Variants in DCC observed in about 807,000 individuals in gnomAD.
DCC encodes the protein DCC netrin 1 receptor, also known as netrin receptor DCC.
DCC carries 58 observed loss-of-function variants against 172.5 expected under a neutral mutation model. That is an observed-to-expected ratio of 0.34 (90% confidence interval 0.27 to 0.42). DCC has a LOEUF of 0.42. DCC is among the 10% of genes least tolerant of loss of function. The pLI, the probability that DCC is intolerant of heterozygous loss-of-function variation, is 1.00. For synonymous variants in DCC, 709 were observed against 644.5 expected, an observed-to-expected ratio of 1.10 and a Z score of -1.52; for missense variants, 1,740 against 1,791.0, an observed-to-expected ratio of 0.97 and a Z score of 0.51.
intron 1 of DCC, among the ~76,000 whole-genome samples, chr18:52,545,832 G>A (rs566874165): frequency 2.0e-5 from 3 of 152,206 alleles, no homozygotes; most frequent in African/African-American, 7.2e-5. Flanking sequence ...GGAATAAATA[G>A]TACTAACTGT....
chr18:52,649,591 G>A (rs1037704895), intron 1 of DCC, among the ~76,000 whole-genome samples: 8 of 151,808 alleles, frequency 5.3e-5, no homozygotes, highest in Admixed American at 1.3e-4. Context: ...CTGAGTCTCT[G>A]ATGTCTATTA....
chr18:53,421,957 A>G (rs1910664531), intron 21 of DCC, among the ~76,000 whole-genome samples: 2 of 152,202 alleles, frequency 1.3e-5, no homozygotes, highest in African/African-American at 4.8e-5. Flanking sequence ...GTAGAAAAAG[A>G]GACAGAGAGG....
At chr18:52,561,809 C>G (rs192184016) in intron 1 of DCC, among the ~76,000 whole-genome samples, 1 of 152,268 alleles carries the variant, frequency 6.6e-6, no homozygotes, top group African/African-American at 2.4e-5. Context: ...GCTATACGCC[C>G]ATTAGCTGTT....
chr18:52,959,471 GT>G (rs1244189800), intron 5 of DCC, among the ~76,000 whole-genome samples: 3 of 152,038 alleles, frequency 2.0e-5, no homozygotes, highest in African/African-American at 7.3e-5. Context: ...TTGTATGTTT[GT>G]TACATGGATA....
intron 19 of DCC, among the ~76,000 whole-genome samples, chr18:53,408,441 T>C (rs1248407718): frequency 6.6e-6 from 1 of 152,174 alleles, no homozygotes; most frequent in Non-Finnish European, 1.5e-5. Flanking sequence ...TGCCACAAAG[T>C]ATTCTCCATT....
chr18:53,025,074 A>G (rs567257962), intron 5 of DCC, among the ~76,000 whole-genome samples: 22 of 152,252 alleles, frequency 1.4e-4, no homozygotes, highest in African/African-American at 5.3e-4. Flanking sequence ...AATTTCACAA[A>G]AAGATGAAAA....
chr18:52,588,484 CA>C, intron 1 of DCC, among the ~76,000 whole-genome samples: 1 of 152,112 alleles, frequency 6.6e-6, no homozygotes, highest in Non-Finnish European at 1.5e-5. Context: ...CACTAGAGAA[CA>C]AAAAATCAAA....
chr18:53,002,067 T>A (rs2143846020), intron 5 of DCC, among the ~76,000 whole-genome samples: 1 of 152,264 alleles, frequency 6.6e-6, no homozygotes, highest in Non-Finnish European at 1.5e-5. Flanking sequence ...ACTTAGTGTC[T>A]AGAGTTGGAA....
chr18:53,510,620 G>GTTA (rs756249306), intron 27 of DCC, among the ~76,000 whole-genome samples: 1 of 152,170 alleles, frequency 6.6e-6, no homozygotes, highest in Non-Finnish European at 1.5e-5. Flanking sequence ...TCAAACTAAA[G>GTTA]AAGCTCTAAA....
At chr18:53,207,559 TAGA>T in intron 10 of DCC, 117 bp from the exon 11 acceptor site, 1 of 965,404 alleles carries the variant, frequency 1.0e-6, no homozygotes, top group Non-Finnish European at 1.6e-6. Flanking sequence ...TATAGCTCAT[TAGA>T]AGGCTGGAGT....
chr18:52,426,668 C>T (rs1987438878), intron 1 of DCC, among the ~76,000 whole-genome samples: 1 of 151,790 alleles, frequency 6.6e-6, no homozygotes, highest in African/African-American at 2.4e-5. Flanking sequence ...TCTGTTTGAT[C>T]TGCTTTAGTT....
chr18:53,128,856 CACACACACACACACATATATATATATAT>C (rs1299115795), intron 7 of DCC, among the ~76,000 whole-genome samples: 14 of 74,890 alleles, frequency 1.9e-4, no homozygotes, highest in South Asian at 1.3e-3. Context: ...CACACACACA[CACACACACACACACATATATATATATAT>C]ATATATATAT....
chr18:53,345,920 C>G (rs573259611), intron 15 of DCC, among the ~76,000 whole-genome samples: 5 of 151,870 alleles, frequency 3.3e-5, no homozygotes, highest in Non-Finnish European at 5.9e-5. Flanking sequence ...TGTCAGATTG[C>G]TTTTTTGTGT....
intron 1 of DCC, among the ~76,000 whole-genome samples, chr18:52,470,101 T>A (rs1206627562): frequency 1.3e-5 from 2 of 152,148 alleles, no homozygotes; most frequent in Non-Finnish European, 2.9e-5. Flanking sequence ...AAGAAACAGA[T>A]AAAAAGAATA....
intron 15 of DCC, among the ~76,000 whole-genome samples, chr18:53,349,256 A>G (rs2057760263): frequency 6.6e-6 from 1 of 152,160 alleles, no homozygotes; most frequent in South Asian, 2.1e-4. Context: ...CCAAAATATA[A>G]CAAGAGTCAC....
At chr18:52,384,197 T>A (rs1289114047) in intron 1 of DCC, among the ~76,000 whole-genome samples, 1 of 152,094 alleles carries the variant, frequency 6.6e-6, no homozygotes, top group Non-Finnish European at 1.5e-5. Context: ...GAACATAAGA[T>A]TCACTGAACT....
intron 5 of DCC, among the ~76,000 whole-genome samples, chr18:53,019,435 G>A (rs2041849474): frequency 1.3e-5 from 2 of 152,008 alleles, no homozygotes; most frequent in South Asian, 4.1e-4. Flanking sequence ...TTTTCCTAGG[G>A]TTGGTACCTT....
intron 12 of DCC, among the ~76,000 whole-genome samples, chr18:53,262,760 G>T (rs932278192): frequency 1.3e-4 from 20 of 152,188 alleles, no homozygotes; most frequent in African/African-American, 4.8e-4. Flanking sequence ...AATTTTAATG[G>T]AGGGTTGAAA....
chr18:52,815,224 G>C (rs2038271193), intron 2 of DCC, among the ~76,000 whole-genome samples: 1 of 152,112 alleles, frequency 6.6e-6, no homozygotes, highest in Admixed American at 6.6e-5. Context: ...CATGAATTGT[G>C]TCCCCTCAAA....
Sources: gnomAD v4.1 joint callset for allele counts (sites outside exome capture counted in the v4.1 genomes callset) on GRCh38, gnomAD v4.1.1 for gene constraint, MANE v1.5 for transcripts, NCBI Gene and HGNC (gene_info 2026-07-23, HGNC 2026-07-21) for gene names.